SERPINB2: variants seen among roughly 807,000 people sequenced by gnomAD.
SERPINB2 encodes serpin family B member 2, also known as plasminogen activator inhibitor 2.
SERPINB2 carries 28 observed loss-of-function variants against 39.4 expected under a neutral mutation model. That is an observed-to-expected ratio of 0.71 (90% CI 0.53 to 0.97). The LOEUF (loss-of-function observed/expected upper bound fraction) is 0.97, where lower values mean the gene tolerates loss of function less well. SERPINB2 is among the 50% of genes least tolerant of loss of function. SERPINB2 has a pLI of 0.00. For synonymous variants in SERPINB2, 209 were observed against 175.1 expected, an observed-to-expected ratio of 1.19 and a Z score of -1.53; for missense variants, 557 against 505.3, an observed-to-expected ratio of 1.10 and a Z score of -0.98.
Position 63,891,617 on chromosome 18 carries a change from G to C in SERPINB2, c.168+5G>C. 6.2e-7 allele frequency: 1 copy of C among 1,610,816 alleles called. No individual in the cohort carries two copies. The highest frequency in any genetic ancestry group is 8.5e-7 in the Non-Finnish European group (1 of 1,177,806). ...ACCGAAGACCAGATGGCCAAGGTGAGTTTGAGCTGAAGCTCCACATTTGGG... is the reference window on the plus strand; with the variant it reads ...ACCGAAGACCAGATGGCCAAGGTGACTTTGAGCTGAAGCTCCACATTTGGG... On this transcript the variant is annotated splice_donor_5th_base_variant and intron_variant, in intron 2 of 7. Transcript: ENST00000299502.
At chr18:63,898,828 T>G (rs2049976130) in intron 5 of SERPINB2, among the ~76,000 whole-genome samples, 4 of 152,042 alleles carry the variant, frequency 2.6e-5, no homozygotes. Context: ...GCACAGAATA[T>G]GCAAAGGTCC....
At chr18:63,902,003 A>C in intron 6 of SERPINB2, 121 bp downstream of exon 6, 1 of 943,970 alleles carries the variant, frequency 1.1e-6, no homozygotes, top group Non-Finnish European at 1.6e-6. Flanking sequence ...CATGTTGGAC[A>C]GTTGATTGAC....
rs574995920 is a variant in SERPINB2, at chr18:63,897,627, C to T, written c.418-100C>T. The T allele has an allele frequency of 3.8e-4, 344 of 894,612 alleles. 1 individual carries two copies. Among genetic ancestry groups the T allele is most frequent in the Admixed American group, 1.1e-3 (60 of 53,706 alleles). 55.4% of individuals were successfully genotyped at this position (894,612 alleles called of 1,614,324 possible). On this transcript the variant is annotated intron_variant, in intron 4 of 7. Coordinates refer to ENST00000299502, the MANE Select transcript of SERPINB2 (RefSeq NM_002575.3). The stretch of plus-strand genomic sequence containing the variant: ...GCCAACCTCCACTCCCACCCTACCC[C>T]AGGTCTCCTAATTTCAATGGGAAGA...
rs554151927 is a variant in SERPINB2 at position 63,896,980 on chromosome 18, G to A, written c.289-111G>A. On this transcript the variant is annotated intron_variant, in intron 3 of 7. Transcript: ENST00000299502. Reference sequence around the variant, plus strand: ...CTCTAATGTACCAAAAATAAAGTATGTATTAATATAGCATTTCATGATTGT... The same window carrying A: ...CTCTAATGTACCAAAAATAAAGTATATATTAATATAGCATTTCATGATTGT... 5.2e-4 allele frequency: 490 copies of A among 941,624 alleles called. 1 individual carries two copies. The highest frequency in any genetic ancestry group is 3.8e-3 in the Middle Eastern group (15 of 3,912). 58.3% of individuals were successfully genotyped at this position (941,624 alleles called of 1,614,324 possible). A position where few individuals can be genotyped will look rare whatever the true frequency, so the allele number is the denominator to read the frequency against.
intron 2 of SERPINB2, among the ~76,000 whole-genome samples, chr18:63,893,191 G>A (rs2049937817): frequency 6.6e-6 from 1 of 152,176 alleles, no homozygotes; most frequent in Non-Finnish European, 1.5e-5. Context: ...GCCTCCCAAA[G>A]TGCTGGGATT....
chr18:63,888,912 A>G (rs986911690), intron 1 of SERPINB2, among the ~76,000 whole-genome samples: 6 of 152,224 alleles, frequency 3.9e-5, no homozygotes, highest in Non-Finnish European at 7.3e-5. Context: ...CATGACTTCA[A>G]TTTTGCCTTG....
chr18:63,890,965 G>C (rs1402505948), intron 1 of SERPINB2: 1 of 160,542 alleles, frequency 6.2e-6, no homozygotes, highest in Non-Finnish European at 1.4e-5. Flanking sequence ...TGTGTGTGGT[G>C]TGGATGTGTG....
At position 63,903,330 on chromosome 18, in the gene SERPINB2, A is replaced by G. The variant is rs2050007197; in HGVS notation, c.*25A>G. 1.4e-6 allele frequency: 2 copies of G among 1,473,578 alleles called. No homozygotes were observed. The highest frequency in any genetic ancestry group is 3.0e-5 in the South Asian group (2 of 66,096). The allele number at this position is 1,473,578 out of a possible 1,614,324, so 91.3% of individuals were successfully genotyped here. A position where few individuals can be genotyped will look rare whatever the true frequency, so the allele number is the denominator to read the frequency against. On this transcript the variant is annotated 3_prime_UTR_variant, in exon 8 of 8. Transcript: ENST00000299502. ...AAACTAAGCGTGCTGCTTCTGCAAA[A>G]GATTTTTGTAGATGAGCTGTGTGCC...
intron 1 of SERPINB2, among the ~76,000 whole-genome samples, chr18:63,888,536 A>G (rs1329017777): frequency 6.6e-6 from 1 of 152,212 alleles, no homozygotes; most frequent in East Asian, 1.9e-4. Flanking sequence ...TCAATTTCAA[A>G]ATATTTCCAC....
At chr18:63,902,625 A>T (rs2144708184) in intron 7 of SERPINB2, 57 bp downstream of exon 7, 1 of 1,250,392 alleles carries the variant, frequency 8.0e-7, no homozygotes, top group Middle Eastern at 2.2e-4. Flanking sequence ...GTGAGATGAG[A>T]TGAATATATA....
At chr18:63,896,087 C>T (rs781477560) in intron 3 of SERPINB2, among the ~76,000 whole-genome samples, 5 of 152,152 alleles carry the variant, frequency 3.3e-5, no homozygotes, top group Non-Finnish European at 7.4e-5. Flanking sequence ...CACAGTCATG[C>T]TTATGAGGTA....
At chr18:63,902,635 A>G in intron 7 of SERPINB2, 67 bp downstream of exon 7, 1 of 1,369,188 alleles carries the variant, frequency 7.3e-7, no homozygotes, top group Non-Finnish European at 1.0e-6. Context: ...ATGAATATAT[A>G]CTCCTTACAA....
intron 1 of SERPINB2, among the ~76,000 whole-genome samples, chr18:63,888,783 T>G (rs2049907953): frequency 6.6e-6 from 1 of 152,228 alleles, no homozygotes; most frequent in African/African-American, 2.4e-5. Context: ...GTAATACTAT[T>G]AAACCTTAAT....
chr18:63,897,846 T>A lies in SERPINB2; in HGVS notation c.535+2T>A, dbSNP rs1341435077. 1.3e-6 allele frequency: 2 copies of A among 1,535,716 alleles called. No individual in the cohort carries two copies. The highest frequency in any genetic ancestry group is 1.8e-6 in the Non-Finnish European group (2 of 1,116,954). On this transcript the variant is annotated splice_donor_variant, in intron 5 of 7. Coordinates refer to ENST00000299502, the MANE Select transcript of SERPINB2 (RefSeq NM_002575.3). LOFTEE classifies it high-confidence loss of function. Reference sequence around the variant, plus strand: ...CCTGGGTCAAGACTCAAACCAAAGGTAAATCCAAGAAAATATTTTATTTAC... The same window carrying A: ...CCTGGGTCAAGACTCAAACCAAAGGAAAATCCAAGAAAATATTTTATTTAC...
chr18:63,895,479 A>G, intron 3 of SERPINB2, 96 bp downstream of exon 3: 1 of 1,432,686 alleles, frequency 7.0e-7, no homozygotes, highest in Non-Finnish European at 9.7e-7. Context: ...AAGCGAATAT[A>G]CCCTCCCCCA....
At chr18:63,888,318 AAG>A (rs1393887479) in intron 1 of SERPINB2, among the ~76,000 whole-genome samples, 6 of 152,230 alleles carry the variant, frequency 3.9e-5, no homozygotes, top group African/African-American at 1.2e-4. Context: ...AATTTAGTGA[AAG>A]AGAATAATCA....
Position 63,891,324 on chromosome 18 carries a change from G to A in SERPINB2, c.-9-112G>A, listed in dbSNP as rs374003273. 183 of 1,081,788 alleles carry A rather than the reference G, an allele frequency of 1.7e-4. 5 individuals carry two copies. The highest frequency in any genetic ancestry group is 1.6e-3 in the East Asian group (68 of 41,300). 67.0% of individuals were successfully genotyped at this position (1,081,788 alleles called of 1,614,324 possible). ...TCATGTTGTTCCATGAGGAAGAACA[G>A]ACAGGGAATCTGTCCCTACACAGAA... On this transcript the variant is annotated intron_variant, in intron 1 of 7. Coordinates refer to ENST00000299502, the MANE Select transcript of SERPINB2 (RefSeq NM_002575.3).
chr18:63,901,631 A>G, intron 5 of SERPINB2, 109 bp from the exon 6 acceptor site: 1 of 740,356 alleles, frequency 1.4e-6, no homozygotes, highest in Non-Finnish European at 2.0e-6. Flanking sequence ...CTTGAAGATT[A>G]ACAACTCTGC....
At chr18:63,900,093 C>G (rs1052706230) in intron 5 of SERPINB2, among the ~76,000 whole-genome samples, 14 of 152,262 alleles carry the variant, frequency 9.2e-5, no homozygotes, top group Admixed American at 4.6e-4. Context: ...TTGTTTTTCT[C>G]TTTAGACATT....
Sources: allele counts gnomAD v4.1 joint callset (sites outside exome capture counted in the v4.1 genomes callset), GRCh38; gene constraint gnomAD v4.1.1; transcripts MANE v1.5; gene names NCBI Gene and HGNC (gene_info 2026-07-23, HGNC 2026-07-21).